The following BASP1 variants were observed in gnomAD, a reference collection of about 807,000 sequenced individuals.
BASP1 encodes brain abundant membrane attached signal protein 1.
Under a neutral mutation model 2.2 loss-of-function variants are expected in BASP1, and 1 was observed. The observed-to-expected ratio is 0.46, with a 90% CI of 0.16 to 2.17. The LOEUF is 2.17. Ranked by LOEUF, BASP1 falls within the 30% of genes most tolerant of loss-of-function variation. The pLI, the probability that BASP1 is intolerant of heterozygous loss-of-function variation, is 0.27. For synonymous variants in BASP1, 187 were observed against 154.2 expected (o/e 1.21, Z -1.58); for missense variants, 352 against 327.2 (o/e 1.08, Z -0.58).
intron 1 of BASP1, among the ~76,000 whole-genome samples, chr5:17,220,802 G>T (rs1739380212): frequency 6.6e-6 from 1 of 152,162 alleles, no homozygotes; most frequent in Non-Finnish European, 1.5e-5. Flanking sequence ...AAGAGGTGAT[G>T]CGTTCTGTCT....
At chr5:17,259,750 C>T (rs1250585621) in intron 1 of BASP1, among the ~76,000 whole-genome samples, 1 of 152,146 alleles carries the variant, frequency 6.6e-6, no homozygotes, top group Non-Finnish European at 1.5e-5. Flanking sequence ...GCAGGCTTCC[C>T]CTCTTCTCCC....
In BASP1 at chr5:17,276,397, GC is replaced by G. The variant is rs1186904391; in HGVS notation, c.*499del. 1.2e-5 allele frequency: 2 copies of G among 167,174 alleles called. No individual in the cohort carries two copies. The highest frequency in any genetic ancestry group is 2.9e-5 in the Non-Finnish European group (2 of 68,214). 10.4% of individuals were successfully genotyped at this position (167,174 alleles called of 1,614,324 possible). Reference sequence around the variant, plus strand: ...TTCTGTGTTTTCTTTTTAATTTACAGCCTTTCTTATTTTGATATTTTTTTAA... The same window carrying G: ...TTCTGTGTTTTCTTTTTAATTTACAGCTTTCTTATTTTGATATTTTTTTAA... On this transcript the variant is annotated 3_prime_UTR_variant, in exon 2 of 2. Transcript: ENST00000322611.
rs557152348 is a variant in BASP1 at position 17,275,123 on chromosome 5, C to G, written c.-9-85C>G. 2 of 1,338,324 alleles carry G rather than the reference C, an allele frequency of 1.5e-6. No homozygotes were observed. The highest frequency in any genetic ancestry group is 2.1e-6 in the Non-Finnish European group (2 of 953,288). 82.9% of individuals were successfully genotyped at this position (1,338,324 alleles called of 1,614,324 possible). The stretch of plus-strand genomic sequence containing the variant: ...GTGTGCAGTGCAGCAGGCCCAGAAC[C>G]CCTTGCTTTGCAAAATGCAGCTTTT... On this transcript the variant is annotated intron_variant, in intron 1 of 1. Transcript: ENST00000322611. This position sits in a 1 kb window ranked among gnomAD's most constrained non-coding sequence, Gnocchi z 5.3.
chr5:17,221,265 C>T (rs748983807), intron 1 of BASP1, among the ~76,000 whole-genome samples: 1 of 151,948 alleles, frequency 6.6e-6, no homozygotes, highest in South Asian at 2.1e-4. Context: ...TAAAAACTTA[C>T]ATCAAGCACT....
At chr5:17,273,285 A>G (rs184858269) in intron 1 of BASP1, among the ~76,000 whole-genome samples, 188 of 152,256 alleles carry the variant, frequency 1.2e-3, no homozygotes, top group Non-Finnish European at 2.1e-4. Flanking sequence ...AGTATATTTA[A>G]TTGTATTTTT....
At chr5:17,221,606 A>G (rs1739395752) in intron 1 of BASP1, among the ~76,000 whole-genome samples, 1 of 152,100 alleles carries the variant, frequency 6.6e-6, no homozygotes, top group Non-Finnish European at 1.5e-5. Context: ...TATATAGACA[A>G]CTTGAATATT....
Position 17,252,264 on chromosome 5 carries a change from C to G in BASP1, c.-9-22944C>G, listed in dbSNP as rs181655098. ...ATTATGGAAACATCGCAAACATGAA[C>G]ATTCTAACTTTAGAGGTGGGCAGGC... On this transcript the variant is annotated intron_variant, in intron 1 of 1. Coordinates refer to ENST00000322611, the MANE Select transcript of BASP1 (RefSeq NM_006317.5). 3.5e-4 allele frequency among the ~76,000 whole-genome samples: 53 copies of G among 152,304 alleles called. No individual in the cohort carries two copies. In the East Asian group the frequency reaches 9.3e-3, roughly 27 times the overall value.
chr5:17,273,644 G>T (rs935360965), intron 1 of BASP1, among the ~76,000 whole-genome samples: 2 of 152,130 alleles, frequency 1.3e-5, no homozygotes, highest in African/African-American at 2.4e-5. Flanking sequence ...CATGAATCTT[G>T]ATTCCAAGGA....
At chr5:17,246,487 CA>C (rs1430657544) in intron 1 of BASP1, among the ~76,000 whole-genome samples, 1 of 151,978 alleles carries the variant, frequency 6.6e-6, no homozygotes, top group Non-Finnish European at 1.5e-5. Context: ...GACTGTGTCT[CA>C]ATAAATAAAT....
At chr5:17,273,817 G>A (rs78658388) in intron 1 of BASP1, among the ~76,000 whole-genome samples, 2,070 of 152,240 alleles carry the variant, frequency 0.014, 51 homozygotes, top group African/African-American at 0.047. Context: ...CAAGGCTGAT[G>A]CTCTCTCCTG....
intron 1 of BASP1, among the ~76,000 whole-genome samples, chr5:17,238,066 A>G (rs1739785638): frequency 6.6e-6 from 1 of 151,578 alleles, no homozygotes; most frequent in Admixed American, 6.6e-5. Context: ...GGATGGATAT[A>G]CACAGTTTGA....
intron 1 of BASP1, among the ~76,000 whole-genome samples, chr5:17,264,336 A>G (rs185453387): frequency 8.5e-5 from 13 of 152,312 alleles, no homozygotes; most frequent in Non-Finnish European, 1.5e-4. Flanking sequence ...TTTGACCAAT[A>G]TCTTGGATTC....
At chr5:17,245,039 C>T (rs1432057040) in intron 1 of BASP1, among the ~76,000 whole-genome samples, 1 of 150,688 alleles carries the variant, frequency 6.6e-6, no homozygotes, top group Non-Finnish European at 1.5e-5. Context: ...TGCAGTGGCT[C>T]ACGCCTGTAA....
chr5:17,249,733 G>A (rs1740064426), intron 1 of BASP1, among the ~76,000 whole-genome samples: 1 of 151,966 alleles, frequency 6.6e-6, no homozygotes, highest in South Asian at 2.1e-4. Context: ...GATTCTGTCT[G>A]TAGTAACGTT....
intron 1 of BASP1, among the ~76,000 whole-genome samples, chr5:17,226,836 G>A (rs1019287818): frequency 6.6e-6 from 1 of 152,192 alleles, no homozygotes; most frequent in African/African-American, 2.4e-5. Flanking sequence ...CCAGAAGGCA[G>A]GGTGAGGTTA....
intron 1 of BASP1, among the ~76,000 whole-genome samples, chr5:17,264,332 C>T (rs1351543165): frequency 6.6e-6 from 1 of 151,954 alleles, no homozygotes; most frequent in Non-Finnish European, 1.5e-5. Flanking sequence ...TAGGTTTGAC[C>T]AATATCTTGG....
chr5:17,272,046 G>A (rs1375725037), intron 1 of BASP1, among the ~76,000 whole-genome samples: 1 of 149,194 alleles, frequency 6.7e-6, no homozygotes, highest in East Asian at 2.0e-4. Flanking sequence ...TCCAGCCTAG[G>A]TGACAGACTG....
chr5:17,245,982 A>G (rs1739977829), intron 1 of BASP1, among the ~76,000 whole-genome samples: 1 of 152,174 alleles, frequency 6.6e-6, no homozygotes, highest in South Asian at 2.1e-4. Context: ...AGAAAAAAAA[A>G]TCAAGAGAAT....
At chr5:17,225,320 G>A (rs1739478083) in intron 1 of BASP1, among the ~76,000 whole-genome samples, 1 of 150,506 alleles carries the variant, frequency 6.6e-6, no homozygotes, top group African/African-American at 2.4e-5. Flanking sequence ...ATCTCCCCCA[G>A]AGGAGACCTC....
Sources: allele counts gnomAD v4.1 joint callset (sites outside exome capture counted in the v4.1 genomes callset), GRCh38; gene constraint gnomAD v4.1.1; non-coding constraint Gnocchi (gnomAD v3.1); transcripts MANE v1.5; gene names NCBI Gene and HGNC (gene_info 2026-07-23, HGNC 2026-07-21).